Variants in RIN2 observed in about 807,000 individuals in gnomAD.
RIN2 encodes the protein Ras and Rab interactor 2, also known as RAB5 interacting protein 2.
Under a neutral mutation model 78.0 loss-of-function variants are expected in RIN2, and 36 were observed. The observed-to-expected ratio is 0.46, with a 90% CI of 0.35 to 0.61. RIN2 has a LOEUF of 0.61. Among genes scored for constraint, RIN2 ranks in the 20% least tolerant of loss-of-function variants. RIN2 has a pLI of 0.00. For missense variants in RIN2, 1,087 were observed against 1,159.7 expected (o/e 0.94, Z 0.91); for synonymous variants, 466 against 466.8 (o/e 1.00, Z 0.02).
intron 7 of RIN2, among the ~76,000 whole-genome samples, chr20:19,970,248 T>C (rs969927903): frequency 2.6e-5 from 4 of 152,222 alleles, no homozygotes; most frequent in Non-Finnish European, 5.9e-5. Context: ...GTGTGCAGTA[T>C]AACAAGACCC....
chr20:19,965,355 C>T lies in RIN2; in HGVS notation c.536+331C>T, dbSNP rs533205133. Among the ~76,000 whole-genome samples the T allele has an allele frequency of 1.2e-4, 19 of 152,286 alleles. No individual in the cohort carries two copies. In the East Asian group the frequency reaches 3.1e-3, roughly 25 times the overall value. On this transcript the variant is annotated intron_variant, in intron 7 of 12. Coordinates refer to ENST00000255006, the MANE Select transcript of RIN2 (RefSeq NM_018993.4). The stretch of plus-strand genomic sequence containing the variant: ...GCACATATGTGCACACATGCACACA[C>T]AGACACACATGCACACACATACATG...
intron 4 of RIN2, among the ~76,000 whole-genome samples, chr20:19,937,135 A>C (rs2040677917): frequency 6.6e-6 from 1 of 152,188 alleles, no homozygotes; most frequent in Non-Finnish European, 1.5e-5. Flanking sequence ...ATTTTTTAGA[A>C]GTAGTGAGTT....
intron 2 of RIN2, among the ~76,000 whole-genome samples, chr20:19,836,746 T>A (rs986089401): frequency 6.6e-6 from 1 of 152,214 alleles, no homozygotes; most frequent in Non-Finnish European, 1.5e-5. Context: ...AGATAATGAG[T>A]TTCTGTTCCA....
intron 2 of RIN2, among the ~76,000 whole-genome samples, chr20:19,876,914 C>A (rs1041960573): frequency 3.1e-4 from 39 of 124,004 alleles, no homozygotes; most frequent in East Asian, 4.9e-4. Context: ...AAAAAAAAAA[C>A]AAAAAACAAA....
chr20:19,815,395 A>C (rs1418567950), intron 2 of RIN2, among the ~76,000 whole-genome samples: 4 of 152,238 alleles, frequency 2.6e-5, no homozygotes, highest in Admixed American at 6.5e-5. Context: ...ATTATGTCTA[A>C]AGCAATACAT....
At chr20:19,873,274 G>A (rs1339940178) in intron 2 of RIN2, among the ~76,000 whole-genome samples, 1 of 152,012 alleles carries the variant, frequency 6.6e-6, no homozygotes, top group Non-Finnish European at 1.5e-5. Context: ...ACAGGCATGT[G>A]CCACCACTCT....
intron 6 of RIN2, among the ~76,000 whole-genome samples, chr20:19,963,303 TAATAA>T (rs2041826007): frequency 6.6e-6 from 1 of 152,130 alleles, no homozygotes; most frequent in Middle Eastern, 3.4e-3. Flanking sequence ...GCTACAGAAA[TAATAA>T]AATAATACAA....
At chr20:19,875,665 A>G (rs1018805367) in intron 2 of RIN2, among the ~76,000 whole-genome samples, 8 of 152,338 alleles carry the variant, frequency 5.3e-5, no homozygotes, top group African/African-American at 1.9e-4. Flanking sequence ...GGTTGCAAAC[A>G]GGGAAGCAGA....
intron 4 of RIN2, among the ~76,000 whole-genome samples, chr20:19,937,413 C>T (rs768415404): frequency 3.3e-5 from 5 of 152,218 alleles, no homozygotes; most frequent in Admixed American, 6.5e-5. Context: ...TCAGCTTCCT[C>T]TGCAGCTTCG....
chr20:19,974,941 T>TACC lies in RIN2; in HGVS notation c.916_917insACC (p.Ser306delinsTyrPro). The TACC allele has an allele frequency of 6.4e-7, 1 of 1,571,234 alleles. No individual in the cohort carries two copies. The highest frequency in any genetic ancestry group is 2.3e-5 in the East Asian group (1 of 44,328). ...CGCGAATGGCACGGAGCGGACTCGG[T>TACC]CCCCCCCACCCAGGCCCCCGCCACC... On this transcript the variant is annotated protein_altering_variant, in exon 9 of 13. Transcript: ENST00000255006.
intron 7 of RIN2, among the ~76,000 whole-genome samples, chr20:19,966,231 T>A (rs1299959076): frequency 6.6e-6 from 1 of 152,146 alleles, no homozygotes; most frequent in East Asian, 1.9e-4. Flanking sequence ...TATTTGAGTT[T>A]GGCTCGGTTT....
chr20:19,798,791 A>C (rs1381895192), intron 1 of RIN2, among the ~76,000 whole-genome samples: 2 of 152,204 alleles, frequency 1.3e-5, no homozygotes, highest in Admixed American at 1.3e-4. Context: ...GCTTTGATCT[A>C]ATATTTGCGT....
intron 2 of RIN2, among the ~76,000 whole-genome samples, chr20:19,886,068 T>TTGGCAAG (rs1378660037): frequency 6.6e-6 from 1 of 152,202 alleles, no homozygotes; most frequent in Non-Finnish European, 1.5e-5. Flanking sequence ...CTTCTCAAGC[T>TTGGCAAG]CTGTATCTTG....
intron 9 of RIN2, among the ~76,000 whole-genome samples, chr20:19,982,149 A>C (rs929147166): frequency 3.3e-5 from 5 of 152,180 alleles, no homozygotes; most frequent in Admixed American, 2.6e-4. Context: ...GGGCGGAGAC[A>C]ACAAAGAAAG....
At chr20:19,989,651 C>T (rs566182491) in intron 9 of RIN2, among the ~76,000 whole-genome samples, 8 of 152,166 alleles carry the variant, frequency 5.3e-5, no homozygotes, top group African/African-American at 1.9e-4. Context: ...CTTTGCTCTC[C>T]TGTTAATTGG....
intron 3 of RIN2, among the ~76,000 whole-genome samples, chr20:19,922,552 A>G (rs116949711): frequency 1.1e-3 from 170 of 152,328 alleles, no homozygotes; most frequent in Non-Finnish European, 2.0e-3. Context: ...TTCCAAAGCT[A>G]TGGAAACCTC....
chr20:19,799,574 T>C (rs558960640), intron 1 of RIN2, 48 bp from the exon 2 acceptor site: 1 of 152,238 alleles, frequency 6.6e-6, no homozygotes, highest in South Asian at 2.1e-4. Context: ...GTTCATTGTG[T>C]TTTTAATATA....
intron 2 of RIN2, among the ~76,000 whole-genome samples, chr20:19,859,818 A>G (rs919292502): frequency 1.3e-5 from 2 of 152,098 alleles, no homozygotes; most frequent in Non-Finnish European, 2.9e-5. Context: ...TGCGTTCTCT[A>G]TATGGAGAAT....
At chr20:19,830,131 A>G (rs1342517762) in intron 2 of RIN2, among the ~76,000 whole-genome samples, 2 of 152,238 alleles carry the variant, frequency 1.3e-5, no homozygotes, top group African/African-American at 4.8e-5. Flanking sequence ...ATATTTTCCA[A>G]AGGAAGGGAG....
Sources: allele counts gnomAD v4.1 joint callset (sites outside exome capture counted in the v4.1 genomes callset), GRCh38; gene constraint gnomAD v4.1.1; transcripts MANE v1.5; gene names NCBI Gene and HGNC (gene_info 2026-07-23, HGNC 2026-07-21).